Variants in NRIP2 observed in about 807,000 individuals in gnomAD.
NRIP2 encodes nuclear receptor interacting protein 2.
A neutral mutation model predicts 34.1 loss-of-function variants in NRIP2; 27 were observed. The ratio of observed to expected loss-of-function variants is 0.79; its 90% CI spans 0.58 to 1.09. The LOEUF (loss-of-function observed/expected upper bound fraction) is 1.09, where lower values mean the gene tolerates loss of function less well. NRIP2 is among the 50% of genes least tolerant of loss of function. The pLI is 0.00. For missense variants in NRIP2, 385 were observed against 352.6 expected (o/e 1.09, Z -0.74); for synonymous variants, 145 against 146.9 (o/e 0.99, Z 0.09).
chr12:2,829,014 A>T (rs11062371), intron 2 of NRIP2, among the ~76,000 whole-genome samples: 10,774 of 152,194 alleles, frequency 0.071, 497 homozygotes, highest in Admixed American at 0.12. Flanking sequence ...AGCCTAGGCA[A>T]CATAGCAAGA....
intron 3 of NRIP2, 55 bp from the exon 4 acceptor site, chr12:2,828,102 C>T: frequency 2.0e-6 from 3 of 1,489,266 alleles, no homozygotes; most frequent in Non-Finnish European, 2.8e-6. Flanking sequence ...GGTTCCACCC[C>T]ATTAATCAGC....
At chr12:2,829,673 G>A (rs1451249258) in intron 2 of NRIP2, among the ~76,000 whole-genome samples, 2 of 152,096 alleles carry the variant, frequency 1.3e-5, no homozygotes, top group African/African-American at 4.8e-5. Flanking sequence ...AGACTGAGGT[G>A]GGAGGATCGC....
In NRIP2 at chr12:2,834,806, C is replaced by G; in HGVS notation, c.178G>C (p.Asp60His). The G allele has an allele frequency of 3.1e-6, 5 of 1,613,754 alleles. No individual in the cohort carries two copies. The highest frequency in any genetic ancestry group is 4.2e-6 in the Non-Finnish European group (5 of 1,179,962). Residue 60 changes from aspartate (D) to histidine (H), a missense_variant, in exon 1 of 6, where the codon GAT becomes CAT. Asp to His is a moderately conservative substitution (Grantham distance 81). Transcript: ENST00000337508. ...CCCCTCGTCCTGGCTTCTCCCTCAT[C>G]TCTCCTGGCCTCCTGCTTGGTGCTC... is the stretch of plus-strand genomic sequence containing the variant. ...AMSTKQEARR[D>H]EGEARTRGQE...
At chr12:2,834,192 C>T (rs1266708864) in intron 1 of NRIP2, among the ~76,000 whole-genome samples, 1 of 152,142 alleles carries the variant, frequency 6.6e-6, no homozygotes, top group African/African-American at 2.4e-5. Context: ...GATGGAGACC[C>T]CCGATGTTTT....
chr12:2,830,203 G>A (rs539872002), intron 2 of NRIP2: 1 of 152,490 alleles, frequency 6.6e-6, no homozygotes, highest in South Asian at 2.1e-4. Context: ...TCTGAGCTGG[G>A]CTTTTGCTTG....
intron 1 of NRIP2, among the ~76,000 whole-genome samples, chr12:2,832,027 C>T (rs1418521228): frequency 6.6e-6 from 1 of 152,072 alleles, no homozygotes; most frequent in Non-Finnish European, 1.5e-5. Context: ...CTTGGAGCTT[C>T]AGCCTGGAAG....
At position 2,828,035 on chromosome 12, in the gene NRIP2, C is replaced by G. The variant is rs199756500; in HGVS notation, c.591G>C (p.Arg197Ser). 5 of 1,613,622 alleles carry G rather than the reference C, an allele frequency of 3.1e-6. No homozygotes were observed. Among genetic ancestry groups the G allele is most frequent in the African/African-American group, 2.7e-5 (2 of 74,904 alleles). Residue 197 changes from arginine (R) to serine (S), a missense_variant, in exon 4 of 6, where the codon AGG becomes AGC. Arg to Ser is a moderately radical substitution (Grantham distance 110, BLOSUM62 -1). Transcript: ENST00000337508. ...GCLSRLGLEKRVLKASAGDLA... is the reference protein window; with the variant it reads ...GCLSRLGLEKSVLKASAGDLA... ...GGTCCCCAGCTGAGGCTTTTAGGAC[C>G]CTTTTCTCTAACCTGTGGTTGGGAA...
chr12:2,825,641 A>C lies in NRIP2; in HGVS notation c.*1566T>G, dbSNP rs190806616. 1 of 153,216 alleles carries C rather than the reference A, an allele frequency of 6.5e-6. No homozygotes were observed. The highest frequency in any genetic ancestry group is 1.9e-4 in the East Asian group (1 of 5,206). 9.5% of individuals were successfully genotyped at this position (153,216 alleles called of 1,614,324 possible). A position where few individuals can be genotyped will look rare whatever the true frequency, so the allele number is the denominator to read the frequency against. Reference sequence around the variant, plus strand: ...GCTGAGAAAGGGCAGGCCAGGTGTCACAGGCAGCTCCTTGCATCCCGGTTC... The same window carrying C: ...GCTGAGAAAGGGCAGGCCAGGTGTCCCAGGCAGCTCCTTGCATCCCGGTTC... On this transcript the variant is annotated 3_prime_UTR_variant, in exon 6 of 6. Coordinates refer to ENST00000337508, the MANE Select transcript of NRIP2 (RefSeq NM_031474.3).
chr12:2,829,474 A>G (rs1002880831), intron 2 of NRIP2, among the ~76,000 whole-genome samples: 3 of 152,208 alleles, frequency 2.0e-5, no homozygotes, highest in Non-Finnish European at 4.4e-5. Flanking sequence ...TATGGTCTAT[A>G]AAAGGATGTG....
At chr12:2,832,196 C>T (rs1265725009) in intron 1 of NRIP2, among the ~76,000 whole-genome samples, 2 of 152,040 alleles carry the variant, frequency 1.3e-5, no homozygotes, top group Admixed American at 1.3e-4. Context: ...TGAGAAGCAC[C>T]AAAGTAAAAC....
At chr12:2,833,531 G>A (rs753033123) in intron 1 of NRIP2, among the ~76,000 whole-genome samples, 1 of 152,056 alleles carries the variant, frequency 6.6e-6, no homozygotes, top group Non-Finnish European at 1.5e-5. Flanking sequence ...CAGGTTCCCG[G>A]GGAGAAGCAG....
chr12:2,833,304 G>C (rs1004083005), intron 1 of NRIP2, among the ~76,000 whole-genome samples: 2 of 152,074 alleles, frequency 1.3e-5, no homozygotes, highest in Admixed American at 1.3e-4. Context: ...CCGCTTCCCT[G>C]CTCCATCCCT....
rs1565425250 is a variant in NRIP2, at chr12:2,827,674, G to C, written c.704C>G (p.Ala235Gly). 2 of 1,614,006 alleles carry C rather than the reference G, an allele frequency of 1.2e-6. No homozygotes were observed. Among genetic ancestry groups the C allele is most frequent in the African/African-American group, 2.7e-5 (2 of 74,932 alleles). The stretch of plus-strand genomic sequence containing the variant: ...GCCCAGGCAGAATTCAGGACTCTCA[G>C]CATCTATAGGAACAATTTGAAAACA... The part of the protein sequence containing the change: ...TVVCSAQVVD[A>G]ESPEFCLGLQ... Residue 235 changes from alanine (A) to glycine (G), a missense_variant, in exon 5 of 6, where the codon GCT becomes GGT. Ala to Gly is a moderately conservative substitution (Grantham distance 60). Transcript: ENST00000337508. The surrounding 1 kb of genome is among the most constrained non-coding windows in gnomAD (Gnocchi z 4.0).
Position 2,830,855 on chromosome 12 carries a change from C to T in NRIP2, c.348G>A (p.Pro116=), listed in dbSNP as rs538103234. The T allele has an allele frequency of 9.3e-6, 15 of 1,612,224 alleles. No homozygotes were observed. Among genetic ancestry groups the T allele is most frequent in the East Asian group, 4.5e-5 (2 of 44,784 alleles). Residue 116 remains proline, a synonymous_variant, in exon 2 of 6, where the codon CCG becomes CCA. Coordinates refer to ENST00000337508, the MANE Select transcript of NRIP2 (RefSeq NM_031474.3). ...CCAGGCGTCTTTGGATCACACTGCGCGGCTGCTGGCTCCATCACAAAACAA... is the reference window on the plus strand; with the variant it reads ...CCAGGCGTCTTTGGATCACACTGCGTGGCTGCTGGCTCCATCACAAAACAA... ...KRLGTSKDLQ[P]RSVIQRRLVE... is the part of the protein sequence containing the mutation.
chr12:2,827,680 A>T lies in NRIP2; in HGVS notation c.701-3T>A. On this transcript the variant is annotated splice_polypyrimidine_tract_variant and splice_region_variant and intron_variant, in intron 4 of 5. Coordinates refer to ENST00000337508, the MANE Select transcript of NRIP2 (RefSeq NM_031474.3). This position sits in a 1 kb window ranked among gnomAD's most constrained non-coding sequence, Gnocchi z 4.0. ...GCAGAATTCAGGACTCTCAGCATCT[A>T]TAGGAACAATTTGAAAACAGAAGAG... 6.2e-7 allele frequency: 1 copy of T among 1,614,098 alleles called. No individual in the cohort carries two copies. The highest frequency in any genetic ancestry group is 8.5e-7 in the Non-Finnish European group (1 of 1,180,028).
rs142660375 is a variant in NRIP2, at chr12:2,827,551, G to T, written c.753+74C>A. 3.4e-4 allele frequency: 541 copies of T among 1,609,550 alleles called. 1 individual carries two copies. The African/African-American group carries it at 6.5e-3, about 19-fold the overall frequency. ...TCTAAGTCACTCTCATCAGAACCTG[G>T]TCCAGGTTCCACACCTGTGCCTTCT... is the stretch of plus-strand genomic sequence containing the variant. On this transcript the variant is annotated intron_variant, in intron 5 of 5. Coordinates refer to ENST00000337508, the MANE Select transcript of NRIP2 (RefSeq NM_031474.3). The surrounding 1 kb of genome is among the most constrained non-coding windows in gnomAD (Gnocchi z 4.0).
chr12:2,835,016 G>A lies in NRIP2; in HGVS notation c.-33C>T, dbSNP rs372015047. On this transcript the variant is annotated 5_prime_UTR_variant, in exon 1 of 6. Coordinates refer to ENST00000337508, the MANE Select transcript of NRIP2 (RefSeq NM_031474.3). The stretch of plus-strand genomic sequence containing the variant: ...CAGCCGCGTCAGTCTCCAATTTCCC[G>A]AGATTGCTGTAGAGGGAGTGAGACT... The A allele has an allele frequency of 3.4e-5, 52 of 1,520,142 alleles. 1 individual carries two copies. The South Asian group carries it at 4.4e-4, about 13-fold the overall frequency. 94.2% of individuals were successfully genotyped at this position (1,520,142 alleles called of 1,614,324 possible).
intron 1 of NRIP2, among the ~76,000 whole-genome samples, chr12:2,832,800 A>G (rs963541463): frequency 1.3e-5 from 2 of 149,310 alleles, no homozygotes; most frequent in African/African-American, 5.0e-5. Flanking sequence ...CCCAGGCTCT[A>G]TGCACCTCTC....
chr12:2,832,636 C>A (rs1241983086), intron 1 of NRIP2, among the ~76,000 whole-genome samples: 1 of 151,632 alleles, frequency 6.6e-6, no homozygotes, highest in African/African-American at 2.4e-5. Context: ...GTCTTAGCTC[C>A]CTTTTCCATG....
Sources: gnomAD v4.1 joint callset for allele counts (sites outside exome capture counted in the v4.1 genomes callset) on GRCh38, gnomAD v4.1.1 for gene constraint, Gnocchi (gnomAD v3.1) non-coding constraint, MANE v1.5 for transcripts, NCBI Gene and HGNC (gene_info 2026-07-23, HGNC 2026-07-21) for gene names.